RPH3A: variants seen among roughly 807,000 people sequenced by gnomAD.
RPH3A encodes rabphilin 3A.
Under a neutral mutation model 102.2 loss-of-function variants are expected in RPH3A, and 48 were observed. The observed-to-expected ratio is 0.47, with a 90% CI of 0.37 to 0.60. The LOEUF (loss-of-function observed/expected upper bound fraction) is 0.60, where lower values mean the gene tolerates loss of function less well. Among genes scored for constraint, RPH3A ranks in the 20% least tolerant of loss-of-function variants. The pLI, the probability that RPH3A is intolerant of heterozygous loss-of-function variation, is 0.00. For synonymous variants in RPH3A, 310 were observed against 324.3 expected (o/e 0.96, Z 0.47); for missense variants, 781 against 910.1 (o/e 0.86, Z 1.83).
intron 1 of RPH3A, among the ~76,000 whole-genome samples, chr12:112,716,293 A>G (rs1429295898): frequency 6.6e-6 from 1 of 152,176 alleles, no homozygotes; most frequent in African/African-American, 2.4e-5. Flanking sequence ...CCTCTACACA[A>G]GATGGAGTCA....
intron 2 of RPH3A, among the ~76,000 whole-genome samples, chr12:112,806,143 T>C (rs2041456627): frequency 6.6e-6 from 1 of 152,250 alleles, no homozygotes; most frequent in Admixed American, 6.5e-5. Flanking sequence ...AGGAAGGTTT[T>C]ATAACTTTAG....
chr12:112,602,542 G>T (rs768819196), intron 1 of RPH3A, among the ~76,000 whole-genome samples: 1 of 152,176 alleles, frequency 6.6e-6, no homozygotes, highest in Non-Finnish European at 1.5e-5. Context: ...CTTAGTAGGG[G>T]CAGGGCTAAG....
chr12:112,672,402 T>G (rs1383056630), intron 1 of RPH3A, among the ~76,000 whole-genome samples: 1 of 152,218 alleles, frequency 6.6e-6, no homozygotes, highest in Non-Finnish European at 1.5e-5. Flanking sequence ...AGACTGGTAT[T>G]TGACCAAACA....
chr12:112,869,930 T>G lies in RPH3A; in HGVS notation c.687T>G (p.Tyr229Ter). The G allele has an allele frequency of 6.2e-7, 1 of 1,614,138 alleles. No individual in the cohort carries two copies. The highest frequency in any genetic ancestry group is 8.5e-7 in the Non-Finnish European group (1 of 1,180,018). Residue 229 changes from tyrosine to a stop codon, truncating the protein, a stop_gained, in exon 10 of 22, where the codon TAT (tyrosine) becomes TAG (stop). Coordinates refer to ENST00000389385, the MANE Select transcript of RPH3A (RefSeq NM_001143854.2). LOFTEE classifies it high-confidence loss of function. Reference protein sequence around the residue: ...DPASAPGRGNYGPPVRRASEA... With the variant: ...DPASAPGRGN Reference sequence around the variant, plus strand: ...CCTCTGCTCCCGGGCGAGGAAACTATGGGCCTCCCGTGCGCAGGGCCTCCG... The same window carrying G: ...CCTCTGCTCCCGGGCGAGGAAACTAGGGGCCTCCCGTGCGCAGGGCCTCCG...
intron 1 of RPH3A, among the ~76,000 whole-genome samples, chr12:112,660,943 G>T (rs2040044565): frequency 6.6e-6 from 1 of 152,096 alleles, no homozygotes; most frequent in South Asian, 2.1e-4. Flanking sequence ...GACAAGCTCT[G>T]GTCATCTACC....
At position 112,848,471 on chromosome 12, in the gene RPH3A, C is replaced by T. The variant is rs1200576048; in HGVS notation, c.230+629C>T. 3.9e-5 allele frequency among the ~76,000 whole-genome samples: 6 copies of T among 152,176 alleles called. No individual in the cohort carries two copies. In the South Asian group the frequency reaches 6.2e-4, roughly 16 times the overall value. Reference sequence around the variant, plus strand: ...GGGTCCCATGCCAGCTCCCCACTTGCCTGCTGTGGATCTTGGGCATGTTGC... The same window carrying T: ...GGGTCCCATGCCAGCTCCCCACTTGTCTGCTGTGGATCTTGGGCATGTTGC... On this transcript the variant is annotated intron_variant, in intron 5 of 21. Transcript: ENST00000389385.
chr12:112,817,459 C>G (rs1323055533), intron 2 of RPH3A, among the ~76,000 whole-genome samples: 1 of 151,436 alleles, frequency 6.6e-6, no homozygotes, highest in Non-Finnish European at 1.5e-5. Flanking sequence ...CCCCCACCCC[C>G]ACCCCAGGCA....
intron 1 of RPH3A, among the ~76,000 whole-genome samples, chr12:112,711,366 T>G (rs992672790): frequency 2.6e-5 from 4 of 152,178 alleles, no homozygotes; most frequent in African/African-American, 9.7e-5. Context: ...TGCTAAAAGT[T>G]TATTTGTTTC....
intron 19 of RPH3A, chr12:112,893,354 T>C (rs991324687): frequency 2.6e-5 from 4 of 152,240 alleles, no homozygotes; most frequent in Non-Finnish European, 5.9e-5. Flanking sequence ...AATGAAATGT[T>C]CGCCCTCTTT....
At chr12:112,713,044 T>C (rs868557196) in intron 1 of RPH3A, among the ~76,000 whole-genome samples, 1 of 77,556 alleles carries the variant, frequency 1.3e-5, no homozygotes, top group Non-Finnish European at 2.3e-5. Flanking sequence ...CTTCTTCTTC[T>C]TCTTCTCCTT....
Position 112,818,142 on chromosome 12 carries a change from T to C in RPH3A, c.-18-10159T>C, listed in dbSNP as rs368197328. Among the ~76,000 whole-genome samples, 18 of 149,852 alleles carry C rather than the reference T, an allele frequency of 1.2e-4. No homozygotes were observed. In the South Asian group the frequency reaches 3.4e-3, roughly 28 times the overall value. Reference sequence around the variant, plus strand: ...GGTGAAACCCCGTCTCTACTAAAAATACAAAAAATTAGCCGGGCACAGTGG... The same window carrying C: ...GGTGAAACCCCGTCTCTACTAAAAACACAAAAAATTAGCCGGGCACAGTGG... On this transcript the variant is annotated intron_variant, in intron 2 of 21. Transcript: ENST00000389385.
Position 112,890,868 on chromosome 12 carries a change from A to G in RPH3A, c.1640A>G (p.Asp547Gly). Residue 547 changes from aspartate to glycine, a missense_variant, in exon 19 of 22, where the codon GAC becomes GGC. This residue lies in a region of RPH3A where 730 missense variants were observed against 810.0 expected (regional missense o/e 0.90). Transcript: ENST00000389385. ...ATGCAGCAGGTGGAGCGTGTTGGTG[A>G]CATCGAGGAGCGTGGCAAGATCCTG... ...YEEEQVERVGDIEERGKILVS... is the reference protein window; with the variant it reads ...YEEEQVERVGGIEERGKILVS... 6.2e-7 allele frequency: 1 copy of G among 1,613,930 alleles called. No homozygotes were observed.
chr12:112,761,077 G>T (rs1303918589), intron 1 of RPH3A, among the ~76,000 whole-genome samples: 1 of 152,136 alleles, frequency 6.6e-6, no homozygotes, highest in Non-Finnish European at 1.5e-5. Flanking sequence ...TCTGGAGGAA[G>T]GTATGAGGAA....
chr12:112,769,607 A>G (rs956207747), intron 1 of RPH3A, among the ~76,000 whole-genome samples: 1 of 152,226 alleles, frequency 6.6e-6, no homozygotes, highest in African/African-American at 2.4e-5. Context: ...TCTCTTGAGT[A>G]GGAGAATATA....
intron 1 of RPH3A, among the ~76,000 whole-genome samples, chr12:112,743,933 C>T (rs915009001): frequency 1.3e-5 from 2 of 152,210 alleles, no homozygotes; most frequent in Non-Finnish European, 2.9e-5. Flanking sequence ...CTTTCACCCT[C>T]AGGCTCTGAG....
intron 1 of RPH3A, among the ~76,000 whole-genome samples, chr12:112,638,474 G>A (rs1411150646): frequency 6.6e-6 from 1 of 152,158 alleles, no homozygotes; most frequent in Non-Finnish European, 1.5e-5. Context: ...TAGTAAATGA[G>A]ATGAATACTC....
intron 2 of RPH3A, among the ~76,000 whole-genome samples, chr12:112,817,991 T>C (rs1225848273): frequency 1.3e-5 from 2 of 152,192 alleles, no homozygotes; most frequent in Non-Finnish European, 2.9e-5. Context: ...TTGATTCAAA[T>C]TGGACTTGAA....
intron 5 of RPH3A, among the ~76,000 whole-genome samples, chr12:112,848,577 T>C (rs2042270704): frequency 6.6e-6 from 1 of 152,110 alleles, no homozygotes; most frequent in African/African-American, 2.4e-5. Flanking sequence ...CTTGTAAGTG[T>C]TGGGATGACA....
At chr12:112,815,854 A>G (rs2041662363) in intron 2 of RPH3A, among the ~76,000 whole-genome samples, 1 of 152,156 alleles carries the variant, frequency 6.6e-6, no homozygotes, top group African/African-American at 2.4e-5. Flanking sequence ...GCTTACCACA[A>G]TGTAGCTGGG....
Sources: allele counts gnomAD v4.1 joint callset (sites outside exome capture counted in the v4.1 genomes callset), GRCh38; gene constraint gnomAD v4.1.1; regional missense constraint gnomAD v4.1.1; transcripts MANE v1.5; gene names NCBI Gene and HGNC (gene_info 2026-07-23, HGNC 2026-07-21).